PDE4B: variants seen among roughly 807,000 people sequenced by gnomAD.
PDE4B encodes the protein phosphodiesterase 4B, also known as 3',5'-cyclic-AMP phosphodiesterase 4B.
Under a neutral mutation model 82.2 loss-of-function variants are expected in PDE4B, and 20 were observed. That is an observed-to-expected ratio of 0.24 (90% CI 0.17 to 0.35). The LOEUF (loss-of-function observed/expected upper bound fraction) is 0.35, where lower values mean the gene tolerates loss of function less well. PDE4B is among the 10% of genes least tolerant of loss of function. PDE4B has a pLI of 1.00. For missense variants in PDE4B, 655 were observed against 907.2 expected (o/e 0.72, Z 3.57); for synonymous variants, 320 against 318.9 (o/e 1.00, Z -0.04).
chr1:66,134,978 A>G (rs1375858352), intron 3 of PDE4B, among the ~76,000 whole-genome samples: 6 of 152,252 alleles, frequency 3.9e-5, no homozygotes, highest in Non-Finnish European at 2.9e-5. Context: ...ACAAAAGGAT[A>G]ATACTAGAAT....
intron 1 of PDE4B, among the ~76,000 whole-genome samples, chr1:65,853,306 C>G (rs1399559638): frequency 6.6e-6 from 1 of 151,942 alleles, no homozygotes; most frequent in Non-Finnish European, 1.5e-5. Flanking sequence ...AAAGTTGGAT[C>G]CTGCTCTTTA....
At chr1:65,931,958 C>T (rs1394379702) in intron 3 of PDE4B, among the ~76,000 whole-genome samples, 4 of 152,172 alleles carry the variant, frequency 2.6e-5, no homozygotes, top group East Asian at 3.8e-4. Flanking sequence ...GAAGTTTGCA[C>T]TGACAGTTAC....
chr1:66,022,456 C>G (rs994950790), intron 3 of PDE4B, among the ~76,000 whole-genome samples: 1 of 152,072 alleles, frequency 6.6e-6, no homozygotes, highest in East Asian at 1.9e-4. Flanking sequence ...TCATAAATGG[C>G]TTTTATTATT....
chr1:65,941,246 C>A (rs562564998), intron 3 of PDE4B, among the ~76,000 whole-genome samples: 1 of 152,140 alleles, frequency 6.6e-6, no homozygotes, highest in South Asian at 2.1e-4. Flanking sequence ...GCTTGGGCAT[C>A]AGCACTGAAG....
intron 3 of PDE4B, among the ~76,000 whole-genome samples, chr1:66,174,141 T>C (rs1226124463): frequency 1.3e-5 from 2 of 152,232 alleles, no homozygotes; most frequent in Non-Finnish European, 1.5e-5. Flanking sequence ...CTACAGCTAA[T>C]GGTGAATTCA....
Position 66,214,241 on chromosome 1 carries a change from A to G in PDE4B, c.282-33219A>G, listed in dbSNP as rs1441861319. ...AAACTGTACATCTGGGATTAGTACTATTTAGACTTTAAATGAAGAAAAGCC... is the reference window on the plus strand; with the variant it reads ...AAACTGTACATCTGGGATTAGTACTGTTTAGACTTTAAATGAAGAAAAGCC... On this transcript the variant is annotated intron_variant, in intron 3 of 16. Coordinates refer to ENST00000341517, the MANE Select transcript of PDE4B (RefSeq NM_002600.4). Among the ~76,000 whole-genome samples the G allele has an allele frequency of 2.0e-5, 3 of 152,220 alleles. No homozygotes were observed. In the East Asian group the frequency reaches 5.8e-4, roughly 29 times the overall value.
chr1:66,071,986 C>T (rs1051101757), intron 3 of PDE4B, among the ~76,000 whole-genome samples: 2 of 152,014 alleles, frequency 1.3e-5, no homozygotes, highest in African/African-American at 4.8e-5. Context: ...GCCTGTTTGT[C>T]AGTTTAGTGT....
At chr1:66,332,405 G>A in intron 7 of PDE4B, 103 bp from the exon 8 acceptor site, 1 of 1,614,032 alleles carries the variant, frequency 6.2e-7, no homozygotes, top group Non-Finnish European at 8.5e-7. Flanking sequence ...GGAGCACGGG[G>A]GCACCTTCAG....
intron 3 of PDE4B, among the ~76,000 whole-genome samples, chr1:66,217,195 T>C (rs1356509566): frequency 6.6e-6 from 1 of 152,108 alleles, no homozygotes; most frequent in Non-Finnish European, 1.5e-5. Flanking sequence ...GAGGCTATTA[T>C]ACTTAGTCAT....
intron 3 of PDE4B, among the ~76,000 whole-genome samples, chr1:66,044,598 C>T (rs541510496): frequency 4.2e-4 from 64 of 151,714 alleles, no homozygotes; most frequent in Admixed American, 1.2e-3. Flanking sequence ...TCTGGACTCA[C>T]GACGAGCACA....
At chr1:66,232,308 C>T (rs180775091) in intron 3 of PDE4B, among the ~76,000 whole-genome samples, 24 of 152,278 alleles carry the variant, frequency 1.6e-4, no homozygotes, top group South Asian at 6.2e-4. Flanking sequence ...AAGCTCTGTC[C>T]GGGCGCCTCT....
intron 3 of PDE4B, among the ~76,000 whole-genome samples, chr1:65,940,495 A>G (rs528953834): frequency 1.3e-5 from 2 of 152,284 alleles, no homozygotes; most frequent in East Asian, 3.9e-4. Context: ...GTATAGAATG[A>G]ACCATAGAAG....
intron 3 of PDE4B, among the ~76,000 whole-genome samples, chr1:66,075,299 C>T (rs568568466): frequency 6.6e-6 from 1 of 151,996 alleles, no homozygotes; most frequent in Non-Finnish European, 1.5e-5. Context: ...GGGCTATGAA[C>T]ATTTTTGTAC....
intron 1 of PDE4B, among the ~76,000 whole-genome samples, chr1:65,868,724 G>T (rs1237919950): frequency 6.6e-6 from 1 of 152,180 alleles, no homozygotes; most frequent in Non-Finnish European, 1.5e-5. Flanking sequence ...GCAGCCGCAG[G>T]TGAGCTGTGG....
intron 3 of PDE4B, among the ~76,000 whole-genome samples, chr1:65,968,046 A>G (rs1328449327): frequency 6.6e-6 from 1 of 152,088 alleles, no homozygotes; most frequent in African/African-American, 2.4e-5. Context: ...TGCATACTTG[A>G]TTGAGCTAGA....
chr1:65,882,884 A>G (rs1646724975), intron 1 of PDE4B, among the ~76,000 whole-genome samples: 1 of 152,210 alleles, frequency 6.6e-6, no homozygotes, highest in African/African-American at 2.4e-5. Context: ...TTGAAGACCA[A>G]TATGCCTTTA....
rs543551239 is a variant in PDE4B at position 65,827,772 on chromosome 1, C to T, written c.-71+34524C>T. 3.9e-5 allele frequency among the ~76,000 whole-genome samples: 6 copies of T among 152,010 alleles called. 1 individual carries two copies. Among genetic ancestry groups the T allele is most frequent in the East Asian group, 1.9e-4 (1 of 5,184 alleles). On this transcript the variant is annotated intron_variant, in intron 1 of 16. Transcript: ENST00000341517. The stretch of plus-strand genomic sequence containing the variant: ...GAGAATTTCCCAAAATTTGGTAAAA[C>T]GACACCAAATTATAGATCCAAAAGC...
chr1:66,250,622 T>G (rs1653687432), intron 4 of PDE4B, among the ~76,000 whole-genome samples: 1 of 152,206 alleles, frequency 6.6e-6, no homozygotes, highest in African/African-American at 2.4e-5. Flanking sequence ...TTTCAGATGC[T>G]TTCCTAGATG....
At chr1:66,319,847 A>C (rs1400078647) in intron 7 of PDE4B, among the ~76,000 whole-genome samples, 1 of 152,220 alleles carries the variant, frequency 6.6e-6, no homozygotes, top group Admixed American at 6.5e-5. Flanking sequence ...CATTTTGTGC[A>C]TGCTATTCTT....
Sources: gnomAD v4.1 joint callset for allele counts (sites outside exome capture counted in the v4.1 genomes callset) on GRCh38, gnomAD v4.1.1 for gene constraint, MANE v1.5 for transcripts, NCBI Gene and HGNC (gene_info 2026-07-23, HGNC 2026-07-21) for gene names.